The following PLEKHM2 variants were observed in gnomAD, a reference collection of about 807,000 sequenced individuals.
PLEKHM2 encodes pleckstrin homology domain-containing family M member 2.
Under a neutral mutation model 116.3 loss-of-function variants are expected in PLEKHM2, and 77 were observed. The observed-to-expected ratio is 0.66, with a 90% confidence interval of 0.55 to 0.80. PLEKHM2 has a LOEUF of 0.80. Ranked by LOEUF, PLEKHM2 falls within the 30% of genes least tolerant of loss-of-function variation. The probability of loss-of-function intolerance (pLI) is 0.00; values close to 1 mark genes in which losing one functional copy is unlikely to be tolerated. For synonymous variants in PLEKHM2, 562 were observed against 571.0 expected (o/e 0.98, Z 0.22); for missense variants, 1,183 against 1,354.9 (o/e 0.87, Z 1.99).
Position 15,732,404 on chromosome 1 carries a change from A to T in PLEKHM2, c.2680A>T (p.Thr894Ser). The change falls in exon 18 of 20, where the codon ACG (threonine) becomes TCG (serine). Residue 894 changes from threonine to serine, a missense_variant. Thr to Ser is a moderately conservative substitution (Grantham distance 58). Around this residue, in one of 3 missense-constraint regions of PLEKHM2, gnomAD observed 594 missense variants for 720.1 expected, o/e 0.82. Coordinates refer to ENST00000375799, the MANE Select transcript of PLEKHM2 (RefSeq NM_015164.4). ...SPCIPCCLVL[T>S]DDRLFTCHED... is the part of the protein sequence containing the mutation. ...CTGCATACCCTGCTGCCTGGTCCTC[A>T]CGGATGACCGCCTCTTTACGTGCCA... 1.3e-6 allele frequency: 2 copies of T among 1,568,982 alleles called. No homozygotes were observed. The highest frequency in any genetic ancestry group is 1.7e-6 in the Non-Finnish European group (2 of 1,156,942).
chr1:15,717,175 C>T (rs1460540048), intron 3 of PLEKHM2, among the ~76,000 whole-genome samples: 1 of 152,066 alleles, frequency 6.6e-6, no homozygotes, highest in Non-Finnish European at 1.5e-5. Flanking sequence ...GCTTGAGCCC[C>T]GGAGTTTGAG....
In PLEKHM2 at chr1:15,732,547, G is replaced by C. The variant is rs1557664400; in HGVS notation, c.2805+18G>C. ...GCGTCTTGGTGAGCTTTGAGTGGGG[G>C]CGGGGCTGCAAGGCCTGCAGAAGGA... On this transcript the variant is annotated intron_variant, in intron 18 of 19. Transcript: ENST00000375799. 6.2e-7 allele frequency: 1 copy of C among 1,607,536 alleles called. No individual in the cohort carries two copies.
upstream of PLEKHM2, among the ~76,000 whole-genome samples, chr1:15,682,089 T>C (rs1327215650): frequency 6.6e-6 from 1 of 152,030 alleles, no homozygotes; most frequent in African/African-American, 2.4e-5. Context: ...TCTCAGCTAC[T>C]GGGGAGGCTG....
chr1:15,682,325 C>T (rs1452848806), upstream of PLEKHM2, among the ~76,000 whole-genome samples: 2 of 151,330 alleles, frequency 1.3e-5, no homozygotes, highest in Admixed American at 1.3e-4. Context: ...GTGGCAGGCG[C>T]CCGTAATCCC....
Position 15,721,325 on chromosome 1 carries a change from G to A in PLEKHM2, c.653-4G>A. 6.6e-7 allele frequency: 1 copy of A among 1,518,346 alleles called. No homozygotes were observed. The highest frequency in any genetic ancestry group is 8.9e-7 in the Non-Finnish European group (1 of 1,125,520). 94.1% of individuals were successfully genotyped at this position (1,518,346 alleles called of 1,614,324 possible). On this transcript the variant is annotated splice_polypyrimidine_tract_variant and splice_region_variant and intron_variant, in intron 6 of 19. Transcript: ENST00000375799. This position sits in a 1 kb window ranked among gnomAD's most constrained non-coding sequence, Gnocchi z 5.1. ...ATCTTCAGTTTTGTCCCTCGTTTTT[G>A]TAGATTATGATTTTGGAGATGTGTT...
intron 1 of PLEKHM2, among the ~76,000 whole-genome samples, chr1:15,697,035 G>A (rs72878901): frequency 0.097 from 14,711 of 152,150 alleles, 966 homozygotes; most frequent in African/African-American, 0.18. Flanking sequence ...TGTCTGGGTG[G>A]GGGAGGCACT....
At position 15,727,086 on chromosome 1, in the gene PLEKHM2, C is replaced by T. The variant is rs542831914; in HGVS notation, c.1014C>T (p.Pro338=). ...ATGAGGAGGCAAGTCCACTCCACCC[C>T]GCCTGCAGCCAGAAGAAATGTGCCA... ...RSDEEASPLH[P]ACSQKKCAKQ... The change falls in exon 9 of 20, where the codon CCC becomes CCT. Residue 338 remains proline (P), a synonymous_variant. Coordinates refer to ENST00000375799, the MANE Select transcript of PLEKHM2 (RefSeq NM_015164.4). The surrounding 1 kb of genome is among the most constrained non-coding windows in gnomAD (Gnocchi z 7.5). The T allele has an allele frequency of 7.8e-6, 12 of 1,534,472 alleles. No individual in the cohort carries two copies. The highest frequency in any genetic ancestry group is 4.1e-5 in the African/African-American group (3 of 72,876).
chr1:15,686,793 C>A (rs777432011), intron 1 of PLEKHM2, among the ~76,000 whole-genome samples: 1 of 151,526 alleles, frequency 6.6e-6, no homozygotes, highest in Non-Finnish European at 1.5e-5. Context: ...GGACTATAAG[C>A]GCCGGCCACC....
At chr1:15,682,651 A>C (rs990124495), upstream of PLEKHM2, among the ~76,000 whole-genome samples, 7 of 76,466 alleles carry the variant, frequency 9.2e-5, no homozygotes, top group East Asian at 6.2e-4. Flanking sequence ...AACAAAAAAA[A>C]CAAAAAACAA....
intron 1 of PLEKHM2, among the ~76,000 whole-genome samples, chr1:15,690,273 C>T (rs1640864271): frequency 6.6e-6 from 1 of 152,124 alleles, no homozygotes; most frequent in Admixed American, 6.6e-5. Context: ...ACCATGTTGG[C>T]CAGGCTGGTC....
At chr1:15,718,413 G>T in intron 4 of PLEKHM2, 125 bp from the exon 5 acceptor site, 1 of 666,610 alleles carries the variant, frequency 1.5e-6, no homozygotes, top group Non-Finnish European at 2.7e-6. Flanking sequence ...GCTATATCAA[G>T]CTGGGTGCCG....
In PLEKHM2 at chr1:15,725,272, C is replaced by T. The variant is rs41270293; in HGVS notation, c.713-45C>T. The T allele has an allele frequency of 0.054, 77,692 of 1,448,226 alleles. 2,427 individuals carry two copies. Among genetic ancestry groups the T allele is most frequent in the African/African-American group, 0.083 (5,865 of 71,086 alleles). The allele number at this position is 1,448,226 out of a possible 1,614,324, so 89.7% of individuals were successfully genotyped here. On this transcript the variant is annotated intron_variant, in intron 7 of 19. Coordinates refer to ENST00000375799, the MANE Select transcript of PLEKHM2 (RefSeq NM_015164.4). ...CGCATGCTCTGGGGGTCGGGGACCC[C>T]GGGGGGTGCCTGACAGGGTGTCTCC...
chr1:15,726,671 C>T (rs2068067204), intron 8 of PLEKHM2, among the ~76,000 whole-genome samples: 1 of 152,190 alleles, frequency 6.6e-6, no homozygotes, highest in Admixed American at 6.5e-5. Flanking sequence ...GGGGGCATTG[C>T]CTGACCAGCC....
rs201099827 is a variant in PLEKHM2, at chr1:15,728,746, C to G, written c.1986+13C>G. ...TGACTATGTGTCGGTGAGTCCAGGC[C>G]CCGCAGTTGTGCGCCTGCTGTAGGT... is the stretch of plus-strand genomic sequence containing the variant. On this transcript the variant is annotated intron_variant, in intron 12 of 19. Transcript: ENST00000375799. The surrounding 1 kb of genome is among the most constrained non-coding windows in gnomAD (Gnocchi z 5.9). 6.2e-7 allele frequency: 1 copy of G among 1,602,634 alleles called. No individual in the cohort carries two copies. The highest frequency in any genetic ancestry group is 1.7e-5 in the Admixed American group (1 of 58,328).
At position 15,727,907 on chromosome 1, in the gene PLEKHM2, ATAAAT is replaced by A; in HGVS notation, c.1760+79_1760+83del. The A allele has an allele frequency of 7.6e-7, 1 of 1,307,800 alleles. No homozygotes were observed. Among genetic ancestry groups the A allele is most frequent in the Non-Finnish European group, 1.1e-6 (1 of 944,560 alleles). The allele number at this position is 1,307,800 out of a possible 1,614,324, so 81.0% of individuals were successfully genotyped here. A position where few individuals can be genotyped will look rare whatever the true frequency, so the allele number is the denominator to read the frequency against. On this transcript the variant is annotated intron_variant, in intron 9 of 19. Coordinates refer to ENST00000375799, the MANE Select transcript of PLEKHM2 (RefSeq NM_015164.4). This position sits in a 1 kb window ranked among gnomAD's most constrained non-coding sequence, Gnocchi z 7.5. ...GGGACACTGTGCCTCTGACCTCCAG[ATAAAT>A]TAAGCACTAGGAAGACCTAGCCTGA...
chr1:15,726,235 A>G (rs1330837035), intron 8 of PLEKHM2, among the ~76,000 whole-genome samples: 1 of 152,228 alleles, frequency 6.6e-6, no homozygotes, highest in Non-Finnish European at 1.5e-5. Context: ...CATTGAAAGA[A>G]AAGTATCTTT....
chr1:15,710,484 C>T (rs1005423960), intron 1 of PLEKHM2, among the ~76,000 whole-genome samples: 12 of 151,620 alleles, frequency 7.9e-5, no homozygotes, highest in Admixed American at 2.0e-4. Context: ...TGGTGGGGCC[C>T]GGCTAATTTT....
In PLEKHM2 at chr1:15,734,084, C is replaced by A; in HGVS notation, c.*150C>A. 1.2e-6 allele frequency: 1 copy of A among 834,894 alleles called. No homozygotes were observed. The highest frequency in any genetic ancestry group is 1.8e-6 in the Non-Finnish European group (1 of 557,664). 51.7% of individuals were successfully genotyped at this position (834,894 alleles called of 1,614,324 possible). A position where few individuals can be genotyped will look rare whatever the true frequency, so the allele number is the denominator to read the frequency against. On this transcript the variant is annotated 3_prime_UTR_variant, in exon 20 of 20. Transcript: ENST00000375799. ...CACCGAGTGTGGCTTAAGACAGGGT[C>A]CCTCCACTCCAGGGATCCAGATCAG...
intron 6 of PLEKHM2, chr1:15,720,882 G>T (rs1431569354): frequency 1.9e-5 from 3 of 156,702 alleles, no homozygotes; most frequent in Admixed American, 6.5e-5. Flanking sequence ...GAGTTGGAGG[G>T]GTGGGCCTTG....
Sources: allele counts gnomAD v4.1 joint callset (sites outside exome capture counted in the v4.1 genomes callset), GRCh38; gene constraint gnomAD v4.1.1; regional missense constraint gnomAD v4.1.1; non-coding constraint Gnocchi (gnomAD v3.1); transcripts MANE v1.5; gene names NCBI Gene and HGNC (gene_info 2026-07-23, HGNC 2026-07-21).